The following CLEC12A variants were observed in gnomAD, a reference collection of about 807,000 sequenced individuals.
CLEC12A encodes C-type lectin domain family 12 member A, also known as C-type lectin protein CLL-1.
Under a neutral mutation model 26.5 loss-of-function variants are expected in CLEC12A, and 22 were observed. The observed-to-expected ratio is 0.83, with a 90% confidence interval of 0.59 to 1.19. The LOEUF is 1.19. Among genes scored for constraint, CLEC12A ranks in the 50% most tolerant of loss-of-function variants. The pLI is 0.00. For synonymous variants in CLEC12A, 119 were observed against 101.9 expected (o/e 1.17, Z -1.01); for missense variants, 353 against 315.6 (o/e 1.12, Z -0.90).
At chr12:9,968,479 G>T (rs1864020524), upstream of CLEC12A, among the ~76,000 whole-genome samples, 2 of 152,130 alleles carry the variant, frequency 1.3e-5, no homozygotes, top group South Asian at 4.1e-4. Context: ...GTAACAAGGT[G>T]CTCAATAGGG....
At chr12:9,970,902 C>A (rs548763438), upstream of CLEC12A, among the ~76,000 whole-genome samples, 2 of 152,234 alleles carry the variant, frequency 1.3e-5, no homozygotes, top group African/African-American at 4.8e-5. Context: ...CTTTTAATGG[C>A]AAAAACCAGA....
At chr12:9,994,740 A>G (rs1005790674) in intron 4 of CLEC12A, among the ~76,000 whole-genome samples, 1 of 152,164 alleles carries the variant, frequency 6.6e-6, no homozygotes, top group Non-Finnish European at 1.5e-5. Flanking sequence ...ACAACTTTCA[A>G]CTGTAAAATA....
chr12:10,003,268 CAT>C, the CLEC12A span, among the ~76,000 whole-genome samples: 2 of 152,074 alleles, frequency 1.3e-5, no homozygotes, highest in Non-Finnish European at 2.9e-5. Context: ...AAAGCTTAAA[CAT>C]GTGGATTTCA....
intron 1 of CLEC12A, among the ~76,000 whole-genome samples, chr12:9,958,913 G>T (rs891238538): frequency 3.9e-5 from 6 of 152,156 alleles, no homozygotes; most frequent in African/African-American, 1.4e-4. Flanking sequence ...CTCAGTTATA[G>T]ATTACAAGAA....
intron 1 of CLEC12A, among the ~76,000 whole-genome samples, chr12:9,954,678 T>C (rs1042242585): frequency 1.3e-5 from 2 of 152,238 alleles, no homozygotes; most frequent in Non-Finnish European, 2.9e-5. Context: ...TTTGTGTGTA[T>C]GTAGGTATAT....
At chr12:9,962,527 G>A (rs1052360600) in intron 1 of CLEC12A, among the ~76,000 whole-genome samples, 8 of 152,110 alleles carry the variant, frequency 5.3e-5, no homozygotes, top group Admixed American at 2.0e-4. Flanking sequence ...GGCTGAGTCC[G>A]AAAAGAGAGT....
chr12:9,964,051 T>C (rs1396164408), intron 1 of CLEC12A, among the ~76,000 whole-genome samples: 1 of 152,210 alleles, frequency 6.6e-6, no homozygotes. Flanking sequence ...CAGTGGGTCT[T>C]TGCTGAGAGA....
intron 4 of CLEC12A, among the ~76,000 whole-genome samples, chr12:9,994,233 C>G (rs1864973181): frequency 6.6e-6 from 1 of 151,862 alleles, no homozygotes; most frequent in South Asian, 2.1e-4. Flanking sequence ...CTTAAGGTAA[C>G]AAAACGAGTT....
chr12:9,963,681 C>T (rs538192621), intron 1 of CLEC12A, among the ~76,000 whole-genome samples: 23 of 152,226 alleles, frequency 1.5e-4, no homozygotes, highest in Middle Eastern at 3.4e-3. Context: ...TGTGCATGTA[C>T]CTGTCCAATT....
At chr12:9,998,307 G>A (rs745683812), downstream of CLEC12A, 32 of 1,613,912 alleles carry the variant, frequency 2.0e-5, no homozygotes, top group East Asian at 1.1e-4. Context: ...CCACCAGCCC[G>A]ACAACCATCC....
chr12:10,004,444 C>T, the CLEC12A span, among the ~76,000 whole-genome samples: 1 of 152,050 alleles, frequency 6.6e-6, no homozygotes, highest in African/African-American at 2.4e-5. Context: ...AGGTGATCTT[C>T]CTCTGGAGTT....
At chr12:10,004,646 C>T in the CLEC12A span, among the ~76,000 whole-genome samples, 3 of 151,912 alleles carry the variant, frequency 2.0e-5, no homozygotes, top group Non-Finnish European at 4.4e-5. Flanking sequence ...GAATAGGGGG[C>T]ATGGCAGGCC....
At chr12:9,993,356 A>C (rs774424562) in intron 4 of CLEC12A, 3 of 1,203,866 alleles carry the variant, frequency 2.5e-6, no homozygotes, top group African/African-American at 3.1e-5. Context: ...GACTCTGCGT[A>C]TAGTAGTTTG....
chr12:9,970,516 C>T (rs1291693312), upstream of CLEC12A, among the ~76,000 whole-genome samples: 2 of 152,080 alleles, frequency 1.3e-5, no homozygotes, highest in Non-Finnish European at 2.9e-5. Context: ...TATTAGAGAA[C>T]ATGCTCAAAA....
At chr12:9,988,877 G>T (rs1864829409), downstream of CLEC12A, among the ~76,000 whole-genome samples, 1 of 152,152 alleles carries the variant, frequency 6.6e-6, no homozygotes, top group African/African-American at 2.4e-5. Flanking sequence ...ATACCCAAAG[G>T]ATTATAAAAC....
Position 9,979,508 on chromosome 12 carries a change from A to T in CLEC12A, c.363A>T (p.Leu121=). Residue 121 remains leucine (L), a synonymous_variant, in exon 3 of 6, where the codon CTA becomes CTT. Coordinates refer to ENST00000304361, the MANE Select transcript of CLEC12A (RefSeq NM_138337.6). ...QTIATKLCRE[L]YSKEQEHKCK... ...TAGCCACCAAATTATGTCGTGAGCT[A>T]TATAGCAAAGAACAAGGTAATCTTG... 6.2e-7 allele frequency: 1 copy of T among 1,611,112 alleles called. No individual in the cohort carries two copies. The highest frequency in any genetic ancestry group is 8.5e-7 in the Non-Finnish European group (1 of 1,178,802).
chr12:9,982,086 A>T lies in CLEC12A; in HGVS notation c.598A>T (p.Thr200Ser), dbSNP rs183498531. Residue 200 changes from threonine to serine, a missense_variant, in exon 5 of 6, where the codon ACT (threonine) becomes TCT (serine). Thr to Ser is a moderately conservative substitution (Grantham distance 58, BLOSUM62 1). Transcript: ENST00000304361. Reference sequence around the variant, plus strand: ...GGGATTATCTCCTGAAGAAGATTCCACTCGTGGTATGAGAGTGGATAATAT... The same window carrying T: ...GGGATTATCTCCTGAAGAAGATTCCTCTCGTGGTATGAGAGTGGATAATAT... ...WLGLSPEEDS[T>S]RGMRVDNIIN... 1.9e-6 allele frequency: 3 copies of T among 1,601,060 alleles called. No individual in the cohort carries two copies. The highest frequency in any genetic ancestry group is 1.3e-5 in the African/African-American group (1 of 74,696).
chr12:9,998,298 C>A (rs1865100511), downstream of CLEC12A: 1 of 1,613,892 alleles, frequency 6.2e-7, no homozygotes, highest in African/African-American at 1.3e-5. Flanking sequence ...TCCCCAGAGC[C>A]ACCAGCCCGA....
the CLEC12A span, among the ~76,000 whole-genome samples, chr12:10,004,548 G>A: frequency 6.6e-6 from 1 of 151,852 alleles, no homozygotes; most frequent in Non-Finnish European, 1.5e-5. Flanking sequence ...TCTCTGTCAT[G>A]TCATTCCACC....
Sources: gnomAD v4.1 joint callset for allele counts (sites outside exome capture counted in the v4.1 genomes callset) on GRCh38, gnomAD v4.1.1 for gene constraint, MANE v1.5 for transcripts, NCBI Gene and HGNC (gene_info 2026-07-23, HGNC 2026-07-21) for gene names.